ADAMTS14: variants seen among roughly 807,000 people sequenced by gnomAD.
The protein encoded by ADAMTS14 is A disintegrin and metalloproteinase with thrombospondin motifs 14.
A neutral mutation model predicts 128.6 loss-of-function variants in ADAMTS14; 100 were observed. The observed-to-expected ratio is 0.78, with a 90% CI of 0.66 to 0.92. The LOEUF (loss-of-function observed/expected upper bound fraction) is 0.92, where lower values mean the gene tolerates loss of function less well. ADAMTS14 is among the 40% of genes least tolerant of loss of function. The probability of loss-of-function intolerance (pLI) is 0.00; values close to 1 mark genes in which losing one functional copy is unlikely to be tolerated. For synonymous variants in ADAMTS14, 665 were observed against 653.8 expected (o/e 1.02, Z -0.26); for missense variants, 1,562 against 1,658.6 (o/e 0.94, Z 1.01).
intron 7 of ADAMTS14, among the ~76,000 whole-genome samples, chr10:70,733,507 T>C (rs1841714740): frequency 6.6e-6 from 1 of 152,056 alleles, no homozygotes; most frequent in Non-Finnish European, 1.5e-5. Context: ...GGCTATGAGT[T>C]TTTAATGGTG....
intron 2 of ADAMTS14, among the ~76,000 whole-genome samples, chr10:70,679,036 C>T (rs559246331): frequency 1.3e-5 from 2 of 152,264 alleles, no homozygotes; most frequent in East Asian, 1.9e-4. Context: ...AAAAGCAGGG[C>T]CCTTGCCCTG....
At position 70,753,491 on chromosome 10, in the gene ADAMTS14, G is replaced by A. The variant is rs114277786; in HGVS notation, c.2730-309G>A. ...ATATGTATGCGGCTTTGAAGTAATC[G>A]TGATGTGAAGATGGGGTAACTGAGG... On this transcript the variant is annotated intron_variant, in intron 18 of 21. Coordinates refer to ENST00000373207, the MANE Select transcript of ADAMTS14 (RefSeq NM_080722.4). Among the ~76,000 whole-genome samples, 426 of 152,322 alleles carry A rather than the reference G, an allele frequency of 2.8e-3. 2 individuals carry two copies. The highest frequency in any genetic ancestry group is 9.0e-3 in the African/African-American group (376 of 41,566).
At chr10:70,687,968 C>A (rs1347092400) in intron 2 of ADAMTS14, among the ~76,000 whole-genome samples, 20 of 68,852 alleles carry the variant, frequency 2.9e-4, no homozygotes, top group Admixed American at 4.6e-4. Context: ...GGGGCTGACC[C>A]CCCCCCCGAC....
chr10:70,755,445 C>A (rs1454309271), intron 19 of ADAMTS14, among the ~76,000 whole-genome samples: 2 of 151,960 alleles, frequency 1.3e-5, no homozygotes, highest in African/African-American at 4.8e-5. Context: ...GTTTAATAGG[C>A]GAGGAGTTTC....
At chr10:70,735,379 G>C in intron 9 of ADAMTS14, 78 bp downstream of exon 9, 1 of 1,549,848 alleles carries the variant, frequency 6.5e-7, no homozygotes, top group South Asian at 1.2e-5. Flanking sequence ...GACCATTCAT[G>C]AGGTGCCTTC....
At chr10:70,741,277 G>A in intron 12 of ADAMTS14, 115 bp downstream of exon 12, 1 of 1,311,290 alleles carries the variant, frequency 7.6e-7, no homozygotes, top group Non-Finnish European at 1.0e-6. Flanking sequence ...AGGGACAGTG[G>A]GGGTGCCAAA....
intron 4 of ADAMTS14, among the ~76,000 whole-genome samples, chr10:70,728,495 G>A (rs558879513): frequency 7.5e-4 from 115 of 152,332 alleles, no homozygotes; most frequent in African/African-American, 2.6e-3. Flanking sequence ...GTGTCCCCAG[G>A]AGAGGGTGAA....
intron 4 of ADAMTS14, among the ~76,000 whole-genome samples, chr10:70,728,944 C>T (rs1452820751): frequency 6.6e-6 from 1 of 152,204 alleles, no homozygotes; most frequent in Non-Finnish European, 1.5e-5. Context: ...TTCCCTGAGC[C>T]AGGTGACCTG....
chr10:70,678,540 C>T (rs553296309), intron 2 of ADAMTS14, among the ~76,000 whole-genome samples: 2 of 151,122 alleles, frequency 1.3e-5, no homozygotes, highest in South Asian at 4.2e-4. Context: ...GATGGTTGGG[C>T]AGAGGAAGGA....
rs573064091 is a variant in ADAMTS14 at position 70,733,669 on chromosome 10, G to T, written c.1209-216G>T. Among the ~76,000 whole-genome samples the T allele has an allele frequency of 1.2e-3, 177 of 152,330 alleles. 1 individual carries two copies. Among genetic ancestry groups the T allele is most frequent in the African/African-American group, 4.0e-3 (168 of 41,572 alleles). On this transcript the variant is annotated intron_variant, in intron 7 of 21. Transcript: ENST00000373207. ...TCTGGGAGTGGTGAACAGCAGGAGC[G>T]AAGGCTTGGAGGGCAGGATGAGCCC...
At chr10:70,741,500 TG>T (rs1841998861) in intron 12 of ADAMTS14, among the ~76,000 whole-genome samples, 2 of 152,232 alleles carry the variant, frequency 1.3e-5, no homozygotes, top group Admixed American at 1.3e-4. Context: ...TAGGGTTGCC[TG>T]CCTTTCGTCT....
Position 70,758,031 on chromosome 10 carries a change from G to A in ADAMTS14, c.3007G>A (p.Gly1003Arg), listed in dbSNP as rs776091045. Residue 1003 changes from glycine (G) to arginine (R), a missense_variant, in exon 20 of 22, where the codon GGG becomes AGG. By Grantham distance (125) the Gly-to-Arg change is moderately radical (BLOSUM62 -2). Coordinates refer to ENST00000373207, the MANE Select transcript of ADAMTS14 (RefSeq NM_080722.4). ...GTGCAGGACCAACGCCAACAGCCTC[G>A]GGCATTGCGAGGGGGATAGGCCAGA... ...VVCRTNANSL[G>R]HCEGDRPDTV... The A allele has an allele frequency of 1.7e-5, 28 of 1,613,518 alleles. No homozygotes were observed. The highest frequency in any genetic ancestry group is 1.7e-4 in the Middle Eastern group (1 of 6,000).
intron 13 of ADAMTS14, 122 bp downstream of exon 13, chr10:70,743,803 C>G (rs1842084180): frequency 7.3e-7 from 1 of 1,372,310 alleles, no homozygotes; most frequent in Admixed American, 2.9e-5. Flanking sequence ...CCCTGTTGGT[C>G]CTCAGCATAG....
chr10:70,706,346 T>C (rs1312747314), intron 3 of ADAMTS14, among the ~76,000 whole-genome samples: 3 of 152,258 alleles, frequency 2.0e-5, no homozygotes, highest in Non-Finnish European at 4.4e-5. Flanking sequence ...CCAGCCTTCC[T>C]GTGACAGGCC....
Position 70,752,114 on chromosome 10 carries a change from C to G in ADAMTS14, c.2616C>G (p.Tyr872Ter). Residue 872 changes from tyrosine to a stop codon, truncating the protein, a stop_gained, in exon 18 of 22, where the codon TAC (tyrosine) becomes TAG (stop). Coordinates refer to ENST00000373207, the MANE Select transcript of ADAMTS14 (RefSeq NM_080722.4). LOFTEE classifies it high-confidence loss of function. ...ACGGGIQFTK[Y>*]GCRRRRDHHM... is the part of the protein sequence containing the mutation. ...CCATAGGGATCCAGTTCACCAAATA[C>G]GGCTGCCGGCGCAGACGAGACCACC... 2 of 1,612,656 alleles carry G rather than the reference C, an allele frequency of 1.2e-6. No homozygotes were observed. Among genetic ancestry groups the G allele is most frequent in the Non-Finnish European group, 1.7e-6 (2 of 1,179,738 alleles).
chr10:70,705,562 A>G (rs1040736266), intron 3 of ADAMTS14, among the ~76,000 whole-genome samples: 2 of 152,240 alleles, frequency 1.3e-5, no homozygotes, highest in African/African-American at 4.8e-5. Context: ...CTAATTCCAG[A>G]AGATTCCCAT....
intron 2 of ADAMTS14, among the ~76,000 whole-genome samples, chr10:70,693,646 A>G (rs964908049): frequency 2.0e-5 from 3 of 151,854 alleles, no homozygotes; most frequent in African/African-American, 7.3e-5. Flanking sequence ...GAACTCAGGA[A>G]CTCTCTGGCT....
chr10:70,711,977 T>G (rs1328557702), intron 4 of ADAMTS14, among the ~76,000 whole-genome samples: 1 of 151,964 alleles, frequency 6.6e-6, no homozygotes, highest in Non-Finnish European at 1.5e-5. Flanking sequence ...GTGTGGACAC[T>G]TCTTCCATCC....
intron 15 of ADAMTS14, among the ~76,000 whole-genome samples, chr10:70,749,435 A>G (rs1204015566): frequency 6.6e-6 from 1 of 152,182 alleles, no homozygotes; most frequent in African/African-American, 2.4e-5. Flanking sequence ...ATGCTCTGCT[A>G]TAGAAATTCT....
Sources: allele counts gnomAD v4.1 joint callset (sites outside exome capture counted in the v4.1 genomes callset), GRCh38; gene constraint gnomAD v4.1.1; transcripts MANE v1.5; gene names NCBI Gene and HGNC (gene_info 2026-07-23, HGNC 2026-07-21).